Variants in NCOA3 observed in about 807,000 individuals in gnomAD.
NCOA3 encodes the protein nuclear receptor coactivator 3.
In NCOA3, 51 loss-of-function variants were observed where a neutral mutation model predicts 158.8. That is an observed-to-expected ratio of 0.32 (90% CI 0.26 to 0.41). The LOEUF (loss-of-function observed/expected upper bound fraction) is 0.41, where lower values mean the gene tolerates loss of function less well. Among genes scored for constraint, NCOA3 ranks in the 10% least tolerant of loss-of-function variants. The pLI, the probability that NCOA3 is intolerant of heterozygous loss-of-function variation, is 1.00. For synonymous variants in NCOA3, 537 were observed against 592.4 expected (o/e 0.91, Z 1.36); for missense variants, 1,510 against 1,746.6 (o/e 0.86, Z 2.41).
intron 1 of NCOA3, among the ~76,000 whole-genome samples, chr20:47,549,089 G>A (rs560504838): frequency 6.6e-6 from 1 of 151,932 alleles, no homozygotes; most frequent in South Asian, 2.1e-4. Flanking sequence ...CGTTGCCTAG[G>A]GTGGTCTCGA....
chr20:47,519,029 AG>A (rs2084281927), intron 1 of NCOA3, among the ~76,000 whole-genome samples: 1 of 151,878 alleles, frequency 6.6e-6, no homozygotes, highest in South Asian at 2.1e-4. Context: ...CCAGCTACTC[AG>A]GAGGCCGAGG....
intron 1 of NCOA3, among the ~76,000 whole-genome samples, chr20:47,538,604 C>T (rs922054524): frequency 1.3e-5 from 2 of 151,852 alleles, no homozygotes; most frequent in Non-Finnish European, 2.9e-5. Context: ...GTGGTGTGAC[C>T]TCAGCTCACT....
At chr20:47,609,054 G>A (rs2086001607) in intron 2 of NCOA3, among the ~76,000 whole-genome samples, 1 of 152,128 alleles carries the variant, frequency 6.6e-6, no homozygotes, top group South Asian at 2.1e-4. Context: ...TATAGGATAT[G>A]TCTGGTACTC....
intron 1 of NCOA3, among the ~76,000 whole-genome samples, chr20:47,545,417 T>A (rs989970463): frequency 6.6e-6 from 1 of 152,140 alleles, no homozygotes; most frequent in Non-Finnish European, 1.5e-5. Context: ...CCTCAGGTGA[T>A]CCACCTGCTT....
At position 47,656,382 on chromosome 20, in the gene NCOA3, G is replaced by A. The variant is rs1376767242; in HGVS notation, c.*2965G>A. On this transcript the variant is annotated 3_prime_UTR_variant, in exon 23 of 23. Transcript: ENST00000371998. ...TTGGGGGTATCTATATTAGGGGTAG[G>A]GTATTACAGAAGATAATTGGCTTGA... 6.6e-6 allele frequency: 1 copy of A among 151,972 alleles called. No individual in the cohort carries two copies. The highest frequency in any genetic ancestry group is 2.4e-5 in the African/African-American group (1 of 41,360). The allele number at this position is 151,972 out of a possible 1,614,324, so 9.4% of individuals were successfully genotyped here.
At chr20:47,506,754 A>G (rs2084036897) in intron 1 of NCOA3, among the ~76,000 whole-genome samples, 1 of 132,614 alleles carries the variant, frequency 7.5e-6, no homozygotes, top group African/African-American at 2.7e-5. Flanking sequence ...TATTTTTGTT[A>G]GGAACATCTG....
intron 1 of NCOA3, among the ~76,000 whole-genome samples, chr20:47,503,031 C>G (rs1795099057): frequency 6.6e-6 from 1 of 152,296 alleles, no homozygotes; most frequent in South Asian, 2.1e-4. Flanking sequence ...CAAAACCAAC[C>G]TGTTTTTGTT....
Position 47,639,046 on chromosome 20 carries a change from C to A in NCOA3, c.2551C>A (p.Pro851Thr), listed in dbSNP as rs376434406. The A allele has an allele frequency of 1.2e-6, 2 of 1,614,118 alleles. No individual in the cohort carries two copies. Among genetic ancestry groups the A allele is most frequent in the South Asian group, 2.2e-5 (2 of 91,052 alleles). ...ACAGTCTGTGCAGTCTATTCGTCCT[C>A]CATATAACCGAGCAGTGTCTCTGGA... is the stretch of plus-strand genomic sequence containing the variant. ...SSQSVQSIRPPYNRAVSLDSP... is the reference protein window; with the variant it reads ...SSQSVQSIRPTYNRAVSLDSP... Residue 851 changes from proline to threonine, a missense_variant, in exon 14 of 23, where the codon CCA becomes ACA. By Grantham distance (38) the Pro-to-Thr change is conservative (BLOSUM62 -1). This residue lies in a region of NCOA3 where 1,017 missense variants were observed against 1,098.3 expected (regional missense o/e 0.93). Coordinates refer to ENST00000371998, the MANE Select transcript of NCOA3 (RefSeq NM_181659.3).
In NCOA3 at chr20:47,577,742, A is replaced by C. The variant is rs540593856; in HGVS notation, c.-98-5441A>C. ...TTAATTGAAATCGAATTAAAATCTAACACAAGATCATTTCAAGAAGCAGGA... is the reference window on the plus strand; with the variant it reads ...TTAATTGAAATCGAATTAAAATCTACCACAAGATCATTTCAAGAAGCAGGA... On this transcript the variant is annotated intron_variant, in intron 1 of 22. Coordinates refer to ENST00000371998, the MANE Select transcript of NCOA3 (RefSeq NM_181659.3). Among the ~76,000 whole-genome samples the C allele has an allele frequency of 1.2e-4, 18 of 152,354 alleles. No homozygotes were observed. The South Asian group carries it at 2.7e-3, about 23-fold the overall frequency.
At chr20:47,566,562 A>ACC (rs2085198549) in intron 1 of NCOA3, among the ~76,000 whole-genome samples, 1 of 151,998 alleles carries the variant, frequency 6.6e-6, no homozygotes, top group South Asian at 2.1e-4. Flanking sequence ...CCCAGGCTGG[A>ACC]GTGCAGTGGT....
intron 1 of NCOA3, among the ~76,000 whole-genome samples, chr20:47,567,614 G>A (rs918128300): frequency 6.6e-6 from 1 of 151,882 alleles, no homozygotes; most frequent in Admixed American, 6.6e-5. Flanking sequence ...TTGTTGCCCA[G>A]ACTGGAGTGC....
intron 1 of NCOA3, among the ~76,000 whole-genome samples, chr20:47,566,077 G>A (rs1239879066): frequency 1.3e-5 from 2 of 151,944 alleles, no homozygotes; most frequent in Admixed American, 6.6e-5. Flanking sequence ...GGGTTCAAGC[G>A]ATTTCTGGCT....
rs548101705 is a variant in NCOA3 at position 47,564,783 on chromosome 20, A to G, written c.-98-18400A>G. 1.6e-4 allele frequency among the ~76,000 whole-genome samples: 24 copies of G among 152,132 alleles called. No homozygotes were observed. The East Asian group carries it at 4.1e-3, about 26-fold the overall frequency. On this transcript the variant is annotated intron_variant, in intron 1 of 22. Transcript: ENST00000371998. The stretch of plus-strand genomic sequence containing the variant: ...GCTTGGAAGGGTTGTGCACGTTTTC[A>G]TGTGTTTGCTGGTCATTTGTACTAC...
At chr20:47,616,226 T>C (rs1324203176) in intron 2 of NCOA3, among the ~76,000 whole-genome samples, 1 of 146,820 alleles carries the variant, frequency 6.8e-6, no homozygotes, top group African/African-American at 2.5e-5. Context: ...GGAGTTTCAT[T>C]CTTGTTGCCC....
At chr20:47,504,220 CTG>C (rs754586985) in intron 1 of NCOA3, among the ~76,000 whole-genome samples, 32 of 152,100 alleles carry the variant, frequency 2.1e-4, no homozygotes, top group Non-Finnish European at 4.4e-4. Flanking sequence ...AATAATTTAA[CTG>C]TATTTTGAAA....
At chr20:47,519,902 T>C (rs2084298384) in intron 1 of NCOA3, among the ~76,000 whole-genome samples, 1 of 151,798 alleles carries the variant, frequency 6.6e-6, no homozygotes, top group Non-Finnish European at 1.5e-5. Flanking sequence ...GCTGGGACTA[T>C]ATAGATGCCC....
chr20:47,527,044 T>G (rs967415650), intron 1 of NCOA3, among the ~76,000 whole-genome samples: 1 of 152,224 alleles, frequency 6.6e-6, no homozygotes, highest in Non-Finnish European at 1.5e-5. Flanking sequence ...TTTTTGTATT[T>G]TTGCCTAATA....
intron 1 of NCOA3, among the ~76,000 whole-genome samples, chr20:47,504,631 C>T (rs1283436109): frequency 1.3e-5 from 2 of 151,820 alleles, no homozygotes; most frequent in South Asian, 2.1e-4. Context: ...GGTGAAACCC[C>T]TTCACTACTA....
At chr20:47,556,155 G>A (rs1272799798) in intron 1 of NCOA3, among the ~76,000 whole-genome samples, 2 of 150,834 alleles carry the variant, frequency 1.3e-5, no homozygotes, top group Admixed American at 6.6e-5. Flanking sequence ...GGCTGGTCTC[G>A]AACTCTTGAG....
Sources: gnomAD v4.1 joint callset for allele counts (sites outside exome capture counted in the v4.1 genomes callset) on GRCh38, gnomAD v4.1.1 for gene constraint, gnomAD v4.1.1 regional missense constraint, MANE v1.5 for transcripts, NCBI Gene and HGNC (gene_info 2026-07-23, HGNC 2026-07-21) for gene names.